GUCY1A2: variants seen among roughly 807,000 people sequenced by gnomAD.
The protein encoded by GUCY1A2 is guanylate cyclase soluble subunit alpha-2.
Under a neutral mutation model 63.5 loss-of-function variants are expected in GUCY1A2, and 27 were observed. The ratio of observed to expected loss-of-function variants is 0.43; its 90% CI spans 0.31 to 0.59. The LOEUF (loss-of-function observed/expected upper bound fraction) is 0.59. GUCY1A2 is among the 20% of genes least tolerant of loss of function. The pLI, the probability that GUCY1A2 is intolerant of heterozygous loss-of-function variation, is 0.11. For missense variants in GUCY1A2, 768 were observed against 913.3 expected (o/e 0.84, Z 2.05); for synonymous variants, 364 against 343.5 (o/e 1.06, Z -0.66).
chr11:106,859,408 A>G (rs1241602650), intron 4 of GUCY1A2, among the ~76,000 whole-genome samples: 1 of 151,970 alleles, frequency 6.6e-6, no homozygotes, highest in Non-Finnish European at 1.5e-5. Flanking sequence ...GAACCTCATC[A>G]GTCTATTTTC....
chr11:106,730,343 TAAAAGTG>T (rs545218361), intron 6 of GUCY1A2, among the ~76,000 whole-genome samples: 119 of 151,814 alleles, frequency 7.8e-4, no homozygotes, highest in African/African-American at 2.8e-3. Flanking sequence ...AGCTCACACT[TAAAAGTG>T]AGAGTGAACA....
intron 5 of GUCY1A2, among the ~76,000 whole-genome samples, chr11:106,794,067 TC>T (rs1864710851): frequency 1.3e-5 from 2 of 152,162 alleles, no homozygotes; most frequent in South Asian, 4.1e-4. Context: ...GCAGCATTAT[TC>T]AAAATAGCCA....
At chr11:106,823,080 T>C (rs2135431508) in intron 4 of GUCY1A2, among the ~76,000 whole-genome samples, 1 of 152,202 alleles carries the variant, frequency 6.6e-6, no homozygotes. Context: ...ATAAAAACAA[T>C]CACTTATTTT....
Position 106,700,942 on chromosome 11 carries a change from G to C in GUCY1A2, c.1991+7570C>G, listed in dbSNP as rs368508889. Among the ~76,000 whole-genome samples, 16 of 152,026 alleles carry C rather than the reference G, an allele frequency of 1.1e-4. No homozygotes were observed. The East Asian group carries it at 1.4e-3, about 13-fold the overall frequency. On this transcript the variant is annotated intron_variant, in intron 7 of 7. Transcript: ENST00000526355. Reference sequence around the variant, plus strand: ...CTCATCCTTGTATAATAATTATATTGACAAAGGAACAGAAGCAGAGTTTCT... The same window carrying C: ...CTCATCCTTGTATAATAATTATATTCACAAAGGAACAGAAGCAGAGTTTCT...
intron 4 of GUCY1A2, among the ~76,000 whole-genome samples, chr11:106,843,333 T>C (rs1468437264): frequency 6.6e-6 from 1 of 151,844 alleles, no homozygotes; most frequent in African/African-American, 2.4e-5. Flanking sequence ...GGGTACAGTG[T>C]TCACTGCTTG....
At position 106,680,239 on chromosome 11, in the gene GUCY1A2, A is replaced by G. The variant is rs1178243177; in HGVS notation, c.*7310T>C. 2 of 210,882 alleles carry G rather than the reference A, an allele frequency of 9.5e-6. No homozygotes were observed. Among genetic ancestry groups the G allele is most frequent in the East Asian group, 1.4e-4 (2 of 13,970 alleles). The allele number at this position is 210,882 out of a possible 1,614,324, so 13.1% of individuals were successfully genotyped here. A position where few individuals can be genotyped will look rare whatever the true frequency, so the allele number is the denominator to read the frequency against. On this transcript the variant is annotated 3_prime_UTR_variant, in exon 8 of 8. Coordinates refer to ENST00000526355, the MANE Select transcript of GUCY1A2 (RefSeq NM_000855.3). Reference sequence around the variant, plus strand: ...TCAGAAAGTGAGGTATGAAGAAACAATTTTGCACATTCCTGATTTTATTTC... The same window carrying G: ...TCAGAAAGTGAGGTATGAAGAAACAGTTTTGCACATTCCTGATTTTATTTC...
chr11:106,764,123 C>A (rs1864117125), intron 6 of GUCY1A2, among the ~76,000 whole-genome samples: 1 of 152,006 alleles, frequency 6.6e-6, no homozygotes, highest in South Asian at 2.1e-4. Context: ...ATAGAACTAT[C>A]AATTTTCAAC....
chr11:106,688,973 T>C (rs1862575107), intron 7 of GUCY1A2, among the ~76,000 whole-genome samples: 1 of 152,200 alleles, frequency 6.6e-6, no homozygotes, highest in Non-Finnish European at 1.5e-5. Flanking sequence ...GTTTAGACTT[T>C]ATTTGGAAAG....
intron 4 of GUCY1A2, among the ~76,000 whole-genome samples, chr11:106,880,411 G>A (rs2135470980): frequency 6.6e-6 from 1 of 151,992 alleles, no homozygotes; most frequent in Non-Finnish European, 1.5e-5. Flanking sequence ...TGGTTCTCCT[G>A]TCCAGCCCAC....
intron 4 of GUCY1A2, among the ~76,000 whole-genome samples, chr11:106,815,253 T>C (rs188966966): frequency 2.0e-5 from 3 of 151,470 alleles, no homozygotes; most frequent in African/African-American, 4.8e-5. Flanking sequence ...ACAGAGAAAA[T>C]AGGCTGAAAA....
chr11:106,852,979 TG>T (rs1188759840), intron 4 of GUCY1A2, among the ~76,000 whole-genome samples: 1 of 152,180 alleles, frequency 6.6e-6, no homozygotes, highest in Non-Finnish European at 1.5e-5. Flanking sequence ...TCTTTTCTCT[TG>T]GGCTGTCAGA....
At chr11:106,927,292 G>A (rs368864610) in intron 4 of GUCY1A2, among the ~76,000 whole-genome samples, 4 of 151,470 alleles carry the variant, frequency 2.6e-5, no homozygotes, top group East Asian at 2.0e-4. Flanking sequence ...AGAATGGCAC[G>A]AACCCGGGGG....
At chr11:106,894,087 C>T (rs1860012138) in intron 4 of GUCY1A2, among the ~76,000 whole-genome samples, 1 of 152,132 alleles carries the variant, frequency 6.6e-6, no homozygotes, top group Non-Finnish European at 1.5e-5. Flanking sequence ...TTTATCAGAG[C>T]CTAACTGACC....
chr11:106,843,563 G>A (rs1176819915), intron 4 of GUCY1A2, among the ~76,000 whole-genome samples: 1 of 151,806 alleles, frequency 6.6e-6, no homozygotes, highest in Non-Finnish European at 1.5e-5. Context: ...AAAAGGGTCA[G>A]AACTTCAGGA....
At chr11:106,865,662 A>T (rs1276733212) in intron 4 of GUCY1A2, among the ~76,000 whole-genome samples, 1 of 151,926 alleles carries the variant, frequency 6.6e-6, no homozygotes, top group Non-Finnish European at 1.5e-5. Context: ...GGTGAGGGTG[A>T]TAGGGGAGGG....
At chr11:106,795,075 T>C (rs970516779) in intron 5 of GUCY1A2, among the ~76,000 whole-genome samples, 1 of 152,182 alleles carries the variant, frequency 6.6e-6, no homozygotes, top group East Asian at 1.9e-4. Context: ...TTGTGTCAAC[T>C]GCAACAAATA....
chr11:106,685,076 A>T lies in GUCY1A2; in HGVS notation c.*2473T>A, dbSNP rs907973112. 5 of 207,642 alleles carry T rather than the reference A, an allele frequency of 2.4e-5. No individual in the cohort carries two copies. The South Asian group carries it at 7.5e-4, about 31-fold the overall frequency. 12.9% of individuals were successfully genotyped at this position (207,642 alleles called of 1,614,324 possible). ...TCAACTATAATAGATTAGCAAAATG[A>T]TAACAAATTGGACCATTATCTCGGA... On this transcript the variant is annotated 3_prime_UTR_variant, in exon 8 of 8. Transcript: ENST00000526355.
intron 3 of GUCY1A2, among the ~76,000 whole-genome samples, chr11:106,961,248 A>T (rs2120062903): frequency 6.6e-6 from 1 of 152,094 alleles, no homozygotes; most frequent in Non-Finnish European, 1.5e-5. Flanking sequence ...CTTCTTAGAG[A>T]ACGAAGGCAA....
intron 6 of GUCY1A2, among the ~76,000 whole-genome samples, chr11:106,721,208 G>T (rs1261164330): frequency 6.6e-6 from 1 of 151,806 alleles, no homozygotes; most frequent in African/African-American, 2.4e-5. Flanking sequence ...ACAGGCGTGC[G>T]CCACCATGCC....
Sources: gnomAD v4.1 joint callset for allele counts (sites outside exome capture counted in the v4.1 genomes callset) on GRCh38, gnomAD v4.1.1 for gene constraint, MANE v1.5 for transcripts, NCBI Gene and HGNC (gene_info 2026-07-23, HGNC 2026-07-21) for gene names.